PLAG1: variants seen among roughly 807,000 people sequenced by gnomAD.
The protein encoded by PLAG1 is zinc finger protein PLAG1.
A neutral mutation model predicts 35.5 loss-of-function variants in PLAG1; 7 were observed. The ratio of observed to expected loss-of-function variants is 0.20; its 90% CI spans 0.11 to 0.37. The LOEUF is 0.37. Ranked by LOEUF, PLAG1 falls within the 10% of genes least tolerant of loss-of-function variation. The pLI, the probability that PLAG1 is intolerant of heterozygous loss-of-function variation, is 1.00. For missense variants in PLAG1, 454 were observed against 602.8 expected, an observed-to-expected ratio of 0.75 and a Z score of 2.58; for synonymous variants, 229 against 225.4, an observed-to-expected ratio of 1.02 and a Z score of -0.14.
chr8:56,165,690 A>G lies in PLAG1; in HGVS notation c.*553T>C, dbSNP rs563571226. Reference sequence around the variant, plus strand: ...TAGCCAGACAACAGGGAGTCTTCAGAATATACTGATCTGAAATTATGGTGT... The same window carrying G: ...TAGCCAGACAACAGGGAGTCTTCAGGATATACTGATCTGAAATTATGGTGT... On this transcript the variant is annotated 3_prime_UTR_variant, in exon 5 of 5. Coordinates refer to ENST00000316981, the MANE Select transcript of PLAG1 (RefSeq NM_002655.3). 5.1e-6 allele frequency: 1 copy of G among 197,540 alleles called. No individual in the cohort carries two copies. The highest frequency in any genetic ancestry group is 7.9e-5 in the East Asian group (1 of 12,600). The allele number at this position is 197,540 out of a possible 1,614,324, so 12.2% of individuals were successfully genotyped here. A position where few individuals can be genotyped will look rare whatever the true frequency, so the allele number is the denominator to read the frequency against.
intron 1 of PLAG1, among the ~76,000 whole-genome samples, chr8:56,189,809 C>T (rs1445381695): frequency 6.6e-6 from 1 of 152,098 alleles, no homozygotes; most frequent in Non-Finnish European, 1.5e-5. Flanking sequence ...GGGAGTGCGT[C>T]CCAGTCGGGG....
At chr8:56,176,150 A>G (rs890376768) in intron 2 of PLAG1, among the ~76,000 whole-genome samples, 3 of 151,516 alleles carry the variant, frequency 2.0e-5, no homozygotes, top group Admixed American at 2.0e-4. Flanking sequence ...CCCAGGTGTA[A>G]GCGATTCTCA....
chr8:56,189,170 T>C (rs1812108480), intron 1 of PLAG1, among the ~76,000 whole-genome samples: 1 of 152,232 alleles, frequency 6.6e-6, no homozygotes, highest in South Asian at 2.1e-4. Flanking sequence ...CTTTCCATGC[T>C]GTTGGCCAAA....
chr8:56,174,747 T>C (rs1563377633), intron 2 of PLAG1, among the ~76,000 whole-genome samples: 1 of 152,166 alleles, frequency 6.6e-6, no homozygotes, highest in Non-Finnish European at 1.5e-5. Flanking sequence ...CAGCCAACCA[T>C]GGATTGAAAA....
chr8:56,180,384 G>A (rs894562259), intron 1 of PLAG1, among the ~76,000 whole-genome samples: 1 of 152,212 alleles, frequency 6.6e-6, no homozygotes, highest in East Asian at 1.9e-4. Flanking sequence ...GGTATAGACT[G>A]ACATGATCCC....
chr8:56,201,566 T>C (rs1342154523), intron 1 of PLAG1, among the ~76,000 whole-genome samples: 1 of 152,186 alleles, frequency 6.6e-6, no homozygotes, highest in Non-Finnish European at 1.5e-5. Context: ...TGTAAGAATG[T>C]ACAATTTTCT....
Position 56,162,738 on chromosome 8 carries a change from T to C in PLAG1, c.*3505A>G, listed in dbSNP as rs1034848792. 11 of 210,230 alleles carry C rather than the reference T, an allele frequency of 5.2e-5. No individual in the cohort carries two copies. Among genetic ancestry groups the C allele is most frequent in the Non-Finnish European group, 9.7e-5 (10 of 103,192 alleles). The allele number at this position is 210,230 out of a possible 1,614,324, so 13.0% of individuals were successfully genotyped here. On this transcript the variant is annotated 3_prime_UTR_variant, in exon 5 of 5. Coordinates refer to ENST00000316981, the MANE Select transcript of PLAG1 (RefSeq NM_002655.3). ...TCCTGAAAATATGTACTCTTTAACATTCATTATTAGCTTAATAAAGCAATC... is the reference window on the plus strand; with the variant it reads ...TCCTGAAAATATGTACTCTTTAACACTCATTATTAGCTTAATAAAGCAATC...
chr8:56,173,494 T>C (rs565641494), intron 2 of PLAG1, among the ~76,000 whole-genome samples: 18 of 152,190 alleles, frequency 1.2e-4, no homozygotes, highest in African/African-American at 4.3e-4. Flanking sequence ...TATATTCTCT[T>C]GTATAGGATT....
chr8:56,209,046 T>C (rs139524139), intron 1 of PLAG1, among the ~76,000 whole-genome samples: 1 of 152,202 alleles, frequency 6.6e-6, no homozygotes, highest in Non-Finnish European at 1.5e-5. Flanking sequence ...CACCACTCTG[T>C]AATTTTCAAC....
At chr8:56,183,767 T>A (rs1005370178) in intron 1 of PLAG1, among the ~76,000 whole-genome samples, 4 of 151,108 alleles carry the variant, frequency 2.6e-5, no homozygotes, top group African/African-American at 9.7e-5. Context: ...GCTGGAAAAG[T>A]TTGATATCTA....
intron 1 of PLAG1, among the ~76,000 whole-genome samples, chr8:56,189,671 A>C (rs1812126361): frequency 1.3e-5 from 2 of 152,214 alleles, no homozygotes; most frequent in Admixed American, 6.5e-5. Context: ...GATTAGGTAC[A>C]GTGGGAATTC....
chr8:56,180,206 A>G (rs962309999), intron 1 of PLAG1, among the ~76,000 whole-genome samples: 14 of 152,226 alleles, frequency 9.2e-5, no homozygotes, highest in Non-Finnish European at 1.6e-4. Context: ...CTAAGAGAGA[A>G]AAAGAAGCCA....
chr8:56,184,778 G>A (rs1811973805), intron 1 of PLAG1, among the ~76,000 whole-genome samples: 1 of 152,084 alleles, frequency 6.6e-6, no homozygotes, highest in Admixed American at 6.5e-5. Context: ...TTAGCCGGTT[G>A]TGGTGGCAGG....
chr8:56,187,153 G>A (rs919401278), intron 1 of PLAG1, among the ~76,000 whole-genome samples: 1 of 152,126 alleles, frequency 6.6e-6, no homozygotes, highest in Non-Finnish European at 1.5e-5. Flanking sequence ...ATCTGGGGTG[G>A]CCCCTACACT....
At chr8:56,192,666 T>C (rs1812221042) in intron 1 of PLAG1, among the ~76,000 whole-genome samples, 1 of 152,236 alleles carries the variant, frequency 6.6e-6, no homozygotes, top group Non-Finnish European at 1.5e-5. Context: ...CTATGATAAA[T>C]AGCTATATTC....
rs1344835341 is a variant in PLAG1, at chr8:56,161,707, T to C, written c.*4536A>G. Reference sequence around the variant, plus strand: ...AAAATATATTGTACACTTTTACACCTAATGTAGTCCTTTTTCTATGGATAA... The same window carrying C: ...AAAATATATTGTACACTTTTACACCCAATGTAGTCCTTTTTCTATGGATAA... On this transcript the variant is annotated 3_prime_UTR_variant, in exon 5 of 5. Transcript: ENST00000316981. The C allele has an allele frequency of 4.4e-6, 1 of 228,214 alleles. No individual in the cohort carries two copies. Among genetic ancestry groups the C allele is most frequent in the Admixed American group, 5.7e-5 (1 of 17,614 alleles). The allele number at this position is 228,214 out of a possible 1,614,324, so 14.1% of individuals were successfully genotyped here.
At chr8:56,190,535 T>C (rs1812152459) in intron 1 of PLAG1, among the ~76,000 whole-genome samples, 1 of 151,944 alleles carries the variant, frequency 6.6e-6, no homozygotes, top group Non-Finnish European at 1.5e-5. Flanking sequence ...AGGCCTGGGG[T>C]GAGGAAGGAG....
Position 56,203,614 on chromosome 8 carries a change from T to C in PLAG1, c.-322+7507A>G, listed in dbSNP as rs1025020704. Among the ~76,000 whole-genome samples the C allele has an allele frequency of 1.3e-4, 20 of 152,042 alleles. 1 individual carries two copies. The highest frequency in any genetic ancestry group is 1.0e-4 in the Non-Finnish European group (7 of 67,914). On this transcript the variant is annotated intron_variant, in intron 1 of 4. Transcript: ENST00000316981. ...AAGCAAGATAAAGAAAAACATAAAA[T>C]GTCACTAACTCCTGTTTGGTGTGCC...
chr8:56,170,643 A>G (rs1811498886), intron 3 of PLAG1, among the ~76,000 whole-genome samples: 1 of 152,254 alleles, frequency 6.6e-6, no homozygotes, highest in Admixed American at 6.5e-5. Flanking sequence ...AAGACTGGTC[A>G]TATTTGCCAT....
Sources: allele counts gnomAD v4.1 joint callset (sites outside exome capture counted in the v4.1 genomes callset), GRCh38; gene constraint gnomAD v4.1.1; transcripts MANE v1.5; gene names NCBI Gene and HGNC (gene_info 2026-07-23, HGNC 2026-07-21).